Variants in ELAPOR1 observed in about 807,000 individuals in gnomAD.
ELAPOR1 encodes the protein endosome-lysosome associated apoptosis and autophagy regulator 1, also known as endosome/lysosome-associated apoptosis and autophagy regulator 1.
ELAPOR1 carries 77 observed loss-of-function variants against 119.7 expected under a neutral mutation model. That is an observed-to-expected ratio of 0.64 (90% CI 0.54 to 0.78). ELAPOR1 has a LOEUF of 0.78. Among genes scored for constraint, ELAPOR1 ranks in the 30% least tolerant of loss-of-function variants. The probability of loss-of-function intolerance (pLI) is 0.00; values close to 1 mark genes in which losing one functional copy is unlikely to be tolerated. For synonymous variants in ELAPOR1, 481 were observed against 487.2 expected, an observed-to-expected ratio of 0.99 and a Z score of 0.17; for missense variants, 1,115 against 1,270.4, an observed-to-expected ratio of 0.88 and a Z score of 1.86.
At chr1:109,184,020 G>A (rs531963567) in intron 7 of ELAPOR1, among the ~76,000 whole-genome samples, 1 of 152,154 alleles carries the variant, frequency 6.6e-6, no homozygotes, top group South Asian at 2.1e-4. Context: ...TTGTACCACT[G>A]CAGTCCAGCC....
At chr1:109,158,914 C>T (rs1235496739) in intron 1 of ELAPOR1, among the ~76,000 whole-genome samples, 7 of 134,882 alleles carry the variant, frequency 5.2e-5, no homozygotes, top group South Asian at 2.3e-4. Flanking sequence ...TTTTTTTAGA[C>T]GGAGTCTTGC....
At position 109,189,584 on chromosome 1, in the gene ELAPOR1, C is replaced by T. The variant is rs199946948; in HGVS notation, c.1349-8C>T. On this transcript the variant is annotated splice_polypyrimidine_tract_variant and splice_region_variant and intron_variant, in intron 10 of 21. Transcript: ENST00000369939. The stretch of plus-strand genomic sequence containing the variant: ...CACAAGGCATTAACTCTCCTCTTTC[C>T]TTTTCAGGCTGGGAGGTGGCTGGTG... 2.1e-4 allele frequency: 332 copies of T among 1,613,438 alleles called. 1 individual carries two copies. Among genetic ancestry groups the T allele is most frequent in the Non-Finnish European group, 2.6e-4 (301 of 1,179,590 alleles).
chr1:109,178,176 A>C (rs1440135933), intron 7 of ELAPOR1, among the ~76,000 whole-genome samples: 2 of 151,778 alleles, frequency 1.3e-5, no homozygotes, highest in South Asian at 2.1e-4. Flanking sequence ...TGCTTGCCTA[A>C]ATTTTTGTAT....
At chr1:109,154,969 C>T (rs1308217043) in intron 1 of ELAPOR1, among the ~76,000 whole-genome samples, 1 of 152,142 alleles carries the variant, frequency 6.6e-6, no homozygotes, top group Non-Finnish European at 1.5e-5. Flanking sequence ...CAAGCAACAG[C>T]TTGCAATGGC....
intron 1 of ELAPOR1, among the ~76,000 whole-genome samples, chr1:109,138,661 T>C (rs930496026): frequency 6.6e-6 from 1 of 151,290 alleles, no homozygotes; most frequent in Non-Finnish European, 1.5e-5. Flanking sequence ...CAGAGTCAAA[T>C]GAGAAACCCA....
chr1:109,133,410 GA>G (rs1649273767), intron 1 of ELAPOR1, among the ~76,000 whole-genome samples: 3 of 151,958 alleles, frequency 2.0e-5, no homozygotes, highest in African/African-American at 7.3e-5. Flanking sequence ...AAAAACATGG[GA>G]AAATCATTTA....
At chr1:109,171,777 A>G in intron 3 of ELAPOR1, 89 bp from the exon 4 acceptor site, 1 of 1,369,560 alleles carries the variant, frequency 7.3e-7, no homozygotes, top group Non-Finnish European at 1.0e-6. Flanking sequence ...AAAATTCCCA[A>G]AGACCCAGCA....
chr1:109,172,569 G>T lies in ELAPOR1; in HGVS notation c.696+1G>T. The stretch of plus-strand genomic sequence containing the variant: ...AGAGAAAGGATGGGAATTCCACAGT[G>T]TGAGTATCACACCAGCCTTCTCCCA... On this transcript the variant is annotated splice_donor_variant, in intron 5 of 21. Transcript: ENST00000369939. LOFTEE classifies it high-confidence loss of function. 1.9e-6 allele frequency: 3 copies of T among 1,611,086 alleles called. No homozygotes were observed. Among genetic ancestry groups the T allele is most frequent in the Non-Finnish European group, 2.5e-6 (3 of 1,177,378 alleles).
chr1:109,142,721 G>A (rs1170101193), intron 1 of ELAPOR1, among the ~76,000 whole-genome samples: 4 of 152,168 alleles, frequency 2.6e-5, no homozygotes, highest in South Asian at 2.1e-4. Flanking sequence ...AAATGGTATC[G>A]CTGTTATGGA....
chr1:109,202,823 C>T (rs1332665969), intron 21 of ELAPOR1, 121 bp from the exon 22 acceptor site: 1 of 915,922 alleles, frequency 1.1e-6, no homozygotes, highest in African/African-American at 1.6e-5. Context: ...TGTGTTTCCA[C>T]AAAGCCACTG....
chr1:109,146,380 A>G (rs1410847678), intron 1 of ELAPOR1, among the ~76,000 whole-genome samples: 1 of 152,124 alleles, frequency 6.6e-6, no homozygotes, highest in African/African-American at 2.4e-5. Context: ...CCAGGAAGAA[A>G]AAGATAAATC....
In ELAPOR1 at chr1:109,203,884, A is replaced by T. The variant is rs1299481336; in HGVS notation, c.*872A>T. On this transcript the variant is annotated 3_prime_UTR_variant, in exon 22 of 22. Transcript: ENST00000369939. ...GACAGAGTGAGACTCTGCCTCAAAA[A>T]AAAAAAAAAAAAAAAAGAAAAGCAC... 3 of 141,294 alleles carry T rather than the reference A, an allele frequency of 2.1e-5. No homozygotes were observed. The highest frequency in any genetic ancestry group is 4.5e-5 in the Non-Finnish European group (3 of 66,342). 8.8% of individuals were successfully genotyped at this position (141,294 alleles called of 1,614,324 possible). A position where few individuals can be genotyped will look rare whatever the true frequency, so the allele number is the denominator to read the frequency against.
chr1:109,163,673 A>G (rs983748480), intron 2 of ELAPOR1, among the ~76,000 whole-genome samples: 6 of 152,068 alleles, frequency 3.9e-5, no homozygotes. Context: ...TGTTGGGTTT[A>G]CAGGTATGAG....
In ELAPOR1 at chr1:109,188,367, C is replaced by T; in HGVS notation, c.1219+13C>T. 1 of 1,600,990 alleles carries T rather than the reference C, an allele frequency of 6.2e-7. No homozygotes were observed. The highest frequency in any genetic ancestry group is 2.2e-5 in the East Asian group (1 of 44,550). On this transcript the variant is annotated intron_variant, in intron 9 of 21. Coordinates refer to ENST00000369939, the MANE Select transcript of ELAPOR1 (RefSeq NM_020775.5). The stretch of plus-strand genomic sequence containing the variant: ...TCCAATGGCTCAGGTAACCTCCTCA[C>T]CACCCCACTCTCTGCAGCACATCGA...
chr1:109,173,583 C>G lies in ELAPOR1; in HGVS notation c.802+4C>G. The G allele has an allele frequency of 1.2e-6, 2 of 1,613,894 alleles. No homozygotes were observed. Among genetic ancestry groups the G allele is most frequent in the Non-Finnish European group, 1.7e-6 (2 of 1,179,780 alleles). ...GTGAGAAACATTGCCATAACAGGTA[C>G]TGAGAGCAGGGTTACTGACTTCCTG... On this transcript the variant is annotated splice_donor_region_variant and intron_variant, in intron 6 of 21. Coordinates refer to ENST00000369939, the MANE Select transcript of ELAPOR1 (RefSeq NM_020775.5).
chr1:109,197,585 C>T lies in ELAPOR1; in HGVS notation c.2233C>T (p.Pro745Ser), dbSNP rs913868669. The change falls in exon 16 of 22, where the codon CCC becomes TCC. Residue 745 changes from proline (P) to serine (S), a missense_variant. Transcript: ENST00000369939. ...CTACGTCTGCCAGGCAGTCATCATC[C>T]CCCCAGAGGTGACAGGCTACAAGGC... ...TAYVCQAVII[P>S]PEVTGYKAGV... 1.9e-6 allele frequency: 3 copies of T among 1,614,100 alleles called. No homozygotes were observed. In the Admixed American group the frequency reaches 5.0e-5, roughly 27 times the overall value.
At chr1:109,181,100 G>A (rs907754413) in intron 7 of ELAPOR1, among the ~76,000 whole-genome samples, 2 of 152,140 alleles carry the variant, frequency 1.3e-5, no homozygotes, top group Admixed American at 6.5e-5. Context: ...TGCATTTACC[G>A]AGGAAGAAAG....
At chr1:109,127,921 T>G (rs906569993) in intron 1 of ELAPOR1, among the ~76,000 whole-genome samples, 1 of 151,230 alleles carries the variant, frequency 6.6e-6, no homozygotes. Context: ...GTCACCAGGC[T>G]AACGTGCAGT....
At chr1:109,149,442 T>A (rs1434580434) in intron 1 of ELAPOR1, among the ~76,000 whole-genome samples, 1 of 152,196 alleles carries the variant, frequency 6.6e-6, no homozygotes, top group Non-Finnish European at 1.5e-5. Context: ...TTACCCTCCC[T>A]GTTTATAGAC....
Sources: gnomAD v4.1 joint callset for allele counts (sites outside exome capture counted in the v4.1 genomes callset) on GRCh38, gnomAD v4.1.1 for gene constraint, MANE v1.5 for transcripts, NCBI Gene and HGNC (gene_info 2026-07-23, HGNC 2026-07-21) for gene names.